The following ENOX2 variants were observed in gnomAD, a reference collection of about 807,000 sequenced individuals.
ENOX2 encodes ecto-NOX disulfide-thiol exchanger 2, also known as APK1 antigen.
A neutral mutation model predicts 45.0 loss-of-function variants in ENOX2; 36 were observed. The ratio of observed to expected loss-of-function variants is 0.80; its 90% confidence interval spans 0.61 to 1.06. The LOEUF (loss-of-function observed/expected upper bound fraction) is 1.06. Ranked by LOEUF, ENOX2 falls within the 50% of genes least tolerant of loss-of-function variation. The pLI is 0.00. For missense variants in ENOX2, 423 were observed against 462.5 expected, an observed-to-expected ratio of 0.91 and a Z score of 0.78; for synonymous variants, 174 against 152.3, an observed-to-expected ratio of 1.14 and a Z score of -1.05.
intron 7 of ENOX2, among the ~76,000 whole-genome samples, chrX:130,668,106 GA>G (rs1449681900): frequency 9.1e-6 from 1 of 110,138 alleles, no homozygotes; most frequent in Non-Finnish European, 1.9e-5. Flanking sequence ...AGAGAAGGGG[GA>G]AAGGGGGCAG....
chrX:130,842,356 T>G (rs917555014), intron 2 of ENOX2, among the ~76,000 whole-genome samples: 1 of 112,654 alleles, frequency 8.9e-6, no homozygotes, highest in Non-Finnish European at 1.9e-5. Flanking sequence ...GCTTATTTAT[T>G]CTTTTTATGA....
intron 13 of ENOX2, 50 bp from the exon 14 acceptor site, chrX:130,628,093 G>C (rs371027615): frequency 1.1e-6 from 1 of 876,229 alleles, no homozygotes; most frequent in Non-Finnish European, 1.7e-6. Flanking sequence ...TATTTCTCGA[G>C]GTTCCACATG....
chrX:130,828,312 G>A (rs1235863557), intron 2 of ENOX2, among the ~76,000 whole-genome samples: 6 of 111,829 alleles, frequency 5.4e-5, no homozygotes, highest in Non-Finnish European at 9.4e-5. Context: ...TTTACTTTCC[G>A]TTTTCAGTTG....
intron 3 of ENOX2, among the ~76,000 whole-genome samples, chrX:130,717,323 C>T (rs1164920152): frequency 8.9e-6 from 1 of 112,161 alleles, no homozygotes; most frequent in African/African-American, 3.2e-5. Flanking sequence ...GGATAACAGC[C>T]CATAAATCCA....
At position 130,709,094 on chromosome X, in the gene ENOX2, A is replaced by G. The variant is rs769469003; in HGVS notation, c.-38-5840T>C. On this transcript the variant is annotated intron_variant, in intron 3 of 14. Transcript: ENST00000394363. ...TAAAATGAAAGTCCATGTAGCAGCC[A>G]TATTTGTTAATTCCTTGAGGCCAGG... The G allele has an allele frequency of 1.7e-4, 72 of 430,090 alleles. No homozygotes were observed. In the East Asian group the frequency reaches 2.0e-3, roughly 12 times the overall value. The allele number at this position is 430,090 out of a possible 1,213,427, so 35.4% of individuals were successfully genotyped here. A position where few individuals can be genotyped will look rare whatever the true frequency, so the allele number is the denominator to read the frequency against.
At chrX:130,714,786 T>C (rs1354577336) in intron 3 of ENOX2, among the ~76,000 whole-genome samples, 1 of 111,369 alleles carries the variant, frequency 9.0e-6, no homozygotes, top group African/African-American at 3.3e-5. Flanking sequence ...TACTGTACGG[T>C]TTGAAAATGG....
At chrX:130,717,468 C>T (rs1229830251) in intron 3 of ENOX2, among the ~76,000 whole-genome samples, 1 of 111,558 alleles carries the variant, frequency 9.0e-6, no homozygotes, top group African/African-American at 3.3e-5. Flanking sequence ...CTCAAAGACC[C>T]CAGCAAAATT....
At chrX:130,675,425 C>G (rs1320350585) in intron 6 of ENOX2, among the ~76,000 whole-genome samples, 1 of 112,684 alleles carries the variant, frequency 8.9e-6, no homozygotes, top group Non-Finnish European at 1.9e-5. Context: ...CATCACATTT[C>G]TTGTTGGATA....
intron 2 of ENOX2, among the ~76,000 whole-genome samples, chrX:130,870,454 A>G (rs188150176): frequency 8.0e-5 from 9 of 111,872 alleles, no homozygotes; most frequent in African/African-American, 2.3e-4. Flanking sequence ...TTTTGTGGGA[A>G]CATCTGTTTG....
chrX:130,641,741 A>AAAAAAAAAAAAAAAAAC (rs1569478944), intron 10 of ENOX2, among the ~76,000 whole-genome samples: 1 of 106,385 alleles, frequency 9.4e-6, no homozygotes, highest in African/African-American at 3.4e-5. Context: ...AAAAAAAAAA[A>AAAAAAAAAAAAAAAAAC]GAGAGAATTA....
intron 10 of ENOX2, among the ~76,000 whole-genome samples, chrX:130,638,959 C>G (rs1365883216): frequency 9.0e-6 from 1 of 111,228 alleles, no homozygotes; most frequent in African/African-American, 3.3e-5. Flanking sequence ...TACACTCCAG[C>G]CTGAGTGACA....
At chrX:130,763,967 C>A (rs1030917947) in intron 3 of ENOX2, among the ~76,000 whole-genome samples, 1 of 110,734 alleles carries the variant, frequency 9.0e-6, no homozygotes, top group Non-Finnish European at 1.9e-5. Flanking sequence ...GGCTAAAGAG[C>A]GTACGCTTTT....
intron 10 of ENOX2, among the ~76,000 whole-genome samples, chrX:130,647,700 T>C (rs777135786): frequency 9.0e-6 from 1 of 110,838 alleles, no homozygotes; most frequent in African/African-American, 3.3e-5. Context: ...TTTTTATTTA[T>C]TTTTTTTTGT....
intron 2 of ENOX2, among the ~76,000 whole-genome samples, chrX:130,825,990 ATAGG>A (rs1184777419): frequency 5.4e-5 from 6 of 110,922 alleles, no homozygotes; most frequent in African/African-American, 2.0e-4. Context: ...AAGCTTTATC[ATAGG>A]TAGGTATAGG....
chrX:130,656,807 A>C, intron 9 of ENOX2, 112 bp from the exon 10 acceptor site: 1 of 473,744 alleles, frequency 2.1e-6, no homozygotes. Context: ...TTAGGAAAAA[A>C]ATCCTCCAAA....
At chrX:130,810,765 A>T (rs5977377) in intron 2 of ENOX2, among the ~76,000 whole-genome samples, 206 of 111,779 alleles carry the variant, frequency 1.8e-3, no homozygotes, top group African/African-American at 6.4e-3. Context: ...GCCTGCCCCA[A>T]CAGACGAAGG....
At chrX:130,640,446 T>G (rs1225021208) in intron 10 of ENOX2, among the ~76,000 whole-genome samples, 3 of 112,189 alleles carry the variant, frequency 2.7e-5, no homozygotes, top group Non-Finnish European at 5.6e-5. Context: ...TAAAGACACA[T>G]GCATGAGTAT....
At chrX:130,721,119 G>GT (rs1353698196) in intron 3 of ENOX2, among the ~76,000 whole-genome samples, 1 of 111,209 alleles carries the variant, frequency 9.0e-6, no homozygotes, top group African/African-American at 3.3e-5. Flanking sequence ...GAATACGATC[G>GT]TGTCATTTTT....
chrX:130,635,023 C>T lies in ENOX2; in HGVS notation c.1380G>A (p.Lys460=). The change falls in exon 12 of 15, where the codon AAG becomes AAA. Residue 460 remains lysine (K), a synonymous_variant. Transcript: ENST00000394363. The part of the protein sequence containing the change: ...EAELEKLKDD[K]LQVEKMLENL... ...TTTCCAACATTTTTTCCACCTGTAA[C>T]TTGTCATCTTTGAGTTTTTCAAGTT... The T allele has an allele frequency of 6.7e-6, 8 of 1,195,647 alleles. No individual in the cohort carries two copies. The highest frequency in any genetic ancestry group is 9.1e-6 in the Non-Finnish European group (8 of 882,071).
Sources: allele counts gnomAD v4.1 joint callset (sites outside exome capture counted in the v4.1 genomes callset), GRCh38; gene constraint gnomAD v4.1.1; transcripts MANE v1.5; gene names NCBI Gene and HGNC (gene_info 2026-07-23, HGNC 2026-07-21).